Variants in TCP10L observed in about 807,000 individuals in gnomAD.
The protein encoded by TCP10L is t-complex 10 like.
A neutral mutation model predicts 19.2 loss-of-function variants in TCP10L; 11 were observed. The ratio of observed to expected loss-of-function variants is 0.57; its 90% confidence interval spans 0.36 to 0.95. The LOEUF (loss-of-function observed/expected upper bound fraction) is 0.95. TCP10L is among the 40% of genes least tolerant of loss of function. The pLI, the probability that TCP10L is intolerant of heterozygous loss-of-function variation, is 0.01. For missense variants in TCP10L, 247 were observed against 263.9 expected (o/e 0.94, Z 0.44); for synonymous variants, 96 against 97.2 (o/e 0.99, Z 0.07).
In TCP10L at chr21:32,576,180, G is replaced by A. The variant is rs2038431546; in HGVS notation, c.*594C>T. On this transcript the variant is annotated 3_prime_UTR_variant, in exon 5 of 5. Coordinates refer to ENST00000300258, the MANE Select transcript of TCP10L (RefSeq NM_144659.7). ...GAGAAAGCCCCGCATTTCACGGGGAGCATAGAAACAGGAGTCCCCAACTCT... is the reference window on the plus strand; with the variant it reads ...GAGAAAGCCCCGCATTTCACGGGGAACATAGAAACAGGAGTCCCCAACTCT... The A allele has an allele frequency of 8.2e-7, 1 of 1,219,860 alleles. No individual in the cohort carries two copies. The highest frequency in any genetic ancestry group is 1.2e-6 in the Non-Finnish European group (1 of 861,708). The allele number at this position is 1,219,860 out of a possible 1,614,324, so 75.6% of individuals were successfully genotyped here.
At chr21:32,584,425 C>T in intron 1 of TCP10L, 120 bp from the exon 2 acceptor site, 1 of 1,388,986 alleles carries the variant, frequency 7.2e-7, no homozygotes, top group Non-Finnish European at 9.5e-7. Flanking sequence ...GCTCCTTCTC[C>T]CCCTGGGTCA....
chr21:32,577,592 A>T (rs142396378), intron 4 of TCP10L: 2,098 of 152,326 alleles, frequency 0.014, 25 homozygotes, highest in Non-Finnish European at 0.018. Flanking sequence ...CTGTGGACTC[A>T]CGAGATTTGC....
Position 32,574,711 on chromosome 21 carries a change from T to C in TCP10L, c.*2063A>G, listed in dbSNP as rs989325035. Reference sequence around the variant, plus strand: ...AAATAAGTTAAATTTAAAAGGATAGTGTATATACATTGTGGAAATATCAGT... The same window carrying C: ...AAATAAGTTAAATTTAAAAGGATAGCGTATATACATTGTGGAAATATCAGT... On this transcript the variant is annotated 3_prime_UTR_variant, in exon 5 of 5. Coordinates refer to ENST00000300258, the MANE Select transcript of TCP10L (RefSeq NM_144659.7). 6.0e-6 allele frequency: 1 copy of C among 167,492 alleles called. No individual in the cohort carries two copies. The highest frequency in any genetic ancestry group is 2.4e-5 in the African/African-American group (1 of 41,526). The allele number at this position is 167,492 out of a possible 1,614,324, so 10.4% of individuals were successfully genotyped here. A position where few individuals can be genotyped will look rare whatever the true frequency, so the allele number is the denominator to read the frequency against.
chr21:32,585,239 C>G (rs930177736), intron 1 of TCP10L, among the ~76,000 whole-genome samples, 182 bp downstream of exon 1: 1 of 152,200 alleles, frequency 6.6e-6, no homozygotes, highest in Non-Finnish European at 1.5e-5. Context: ...TCCTTCCCCG[C>G]GGAGACTGGG....
chr21:32,582,470 T>G lies in TCP10L; in HGVS notation c.145-55A>C. 1 of 1,536,212 alleles carries G rather than the reference T, an allele frequency of 6.5e-7. No homozygotes were observed. ...CCTCTCAGATGTCACAATGGGCACA[T>G]TTATCTGCAAAATACTCAAGCCCTC... On this transcript the variant is annotated intron_variant, in intron 2 of 4. Coordinates refer to ENST00000300258, the MANE Select transcript of TCP10L (RefSeq NM_144659.7). The surrounding 1 kb of genome is among the most constrained non-coding windows in gnomAD (Gnocchi z 4.2).
rs903404045 is a variant in TCP10L at position 32,575,381 on chromosome 21, A to G, written c.*1393T>C. ...GACAGATGGCACCAGCCTCACCTCT[A>G]CGAAGCTCCCTGCAGAGGCCATGAA... On this transcript the variant is annotated 3_prime_UTR_variant, in exon 5 of 5. Coordinates refer to ENST00000300258, the MANE Select transcript of TCP10L (RefSeq NM_144659.7). 1.3e-5 allele frequency: 2 copies of G among 153,720 alleles called. No homozygotes were observed. Among genetic ancestry groups the G allele is most frequent in the African/African-American group, 2.4e-5 (1 of 41,470 alleles). 9.5% of individuals were successfully genotyped at this position (153,720 alleles called of 1,614,324 possible).
intron 3 of TCP10L, among the ~76,000 whole-genome samples, chr21:32,579,359 G>A (rs762553804): frequency 1.3e-5 from 2 of 152,210 alleles, no homozygotes; most frequent in Non-Finnish European, 2.9e-5. Context: ...AAGGGAATGA[G>A]AAGGGGAGAG....
rs1457350784 is a variant in TCP10L at position 32,574,186 on chromosome 21, G to C, written c.*2588C>G. ...TTTTGTAAAATATAGCATGTTACAA[G>C]TGGACCACTAGCTAGGGCTTAGAAA... On this transcript the variant is annotated 3_prime_UTR_variant, in exon 5 of 5. Transcript: ENST00000300258. The C allele has an allele frequency of 1.3e-5, 2 of 152,152 alleles. No homozygotes were observed. The highest frequency in any genetic ancestry group is 3.8e-4 in the East Asian group (2 of 5,202). The allele number at this position is 152,152 out of a possible 1,614,324, so 9.4% of individuals were successfully genotyped here.
Position 32,583,364 on chromosome 21 carries a change from C to T in TCP10L, c.144+797G>A, listed in dbSNP as rs555332987. ...CAGCACTTTGGGAGGCCGAGGCGGG[C>T]GGATCACGAGGTCAGGAGATCGAGA... is the stretch of plus-strand genomic sequence containing the variant. On this transcript the variant is annotated intron_variant, in intron 2 of 4. Coordinates refer to ENST00000300258, the MANE Select transcript of TCP10L (RefSeq NM_144659.7). Among the ~76,000 whole-genome samples the T allele has an allele frequency of 3.3e-5, 5 of 151,602 alleles. No homozygotes were observed. In the East Asian group the frequency reaches 5.8e-4, roughly 18 times the overall value.
At chr21:32,584,382 GC>G (rs1438898460) in intron 1 of TCP10L, 77 bp from the exon 2 acceptor site, 10 of 1,527,418 alleles carry the variant, frequency 6.5e-6, no homozygotes, top group Non-Finnish European at 8.8e-6. Context: ...GAAGGCCCCA[GC>G]CCCAAACTAA....
Position 32,576,693 on chromosome 21 carries a change from TA to T in TCP10L, c.*80del. ...ACAAATTGAGTACTTTTATTAGACC[TA>T]AGTGGAACTTTATCTGAATCTGAAT... On this transcript the variant is annotated 3_prime_UTR_variant, in exon 5 of 5. Coordinates refer to ENST00000300258, the MANE Select transcript of TCP10L (RefSeq NM_144659.7). 7.0e-7 allele frequency: 1 copy of T among 1,431,666 alleles called. No homozygotes were observed. The highest frequency in any genetic ancestry group is 9.6e-7 in the Non-Finnish European group (1 of 1,043,046). 88.7% of individuals were successfully genotyped at this position (1,431,666 alleles called of 1,614,324 possible). A position where few individuals can be genotyped will look rare whatever the true frequency, so the allele number is the denominator to read the frequency against.
intron 3 of TCP10L, among the ~76,000 whole-genome samples, chr21:32,580,778 CTT>C (rs1201936111): frequency 6.6e-6 from 1 of 152,212 alleles, no homozygotes; most frequent in East Asian, 1.9e-4. Context: ...TTCACACTCT[CTT>C]AGGCTGGTTC....
Position 32,576,372 on chromosome 21 carries a change from C to T in TCP10L, c.*402G>A, listed in dbSNP as rs990843153. On this transcript the variant is annotated 3_prime_UTR_variant, in exon 5 of 5. Coordinates refer to ENST00000300258, the MANE Select transcript of TCP10L (RefSeq NM_144659.7). The stretch of plus-strand genomic sequence containing the variant: ...CCGCCTTGTCACAAGGTCCCTGGAG[C>T]GGGCAATGCCTTGAGCCCAAAGGCT... The T allele has an allele frequency of 2.4e-6, 3 of 1,231,188 alleles. No individual in the cohort carries two copies. The highest frequency in any genetic ancestry group is 3.4e-6 in the Non-Finnish European group (3 of 879,842). The allele number at this position is 1,231,188 out of a possible 1,614,324, so 76.3% of individuals were successfully genotyped here.
intron 3 of TCP10L, among the ~76,000 whole-genome samples, chr21:32,579,804 A>G (rs1230521272): frequency 3.9e-5 from 6 of 152,082 alleles, no homozygotes; most frequent in Non-Finnish European, 8.8e-5. Flanking sequence ...ATATGTAGGG[A>G]AAAAAATCCC....
chr21:32,584,390 C>T, intron 1 of TCP10L, 85 bp from the exon 2 acceptor site: 2 of 1,511,846 alleles, frequency 1.3e-6, no homozygotes, highest in Non-Finnish European at 8.8e-7. Context: ...CAGCCCCAAA[C>T]TAAGGGTGAG....
intron 1 of TCP10L, 85 bp downstream of exon 1, chr21:32,585,336 A>G: frequency 3.8e-6 from 1 of 264,846 alleles, no homozygotes; most frequent in South Asian, 3.7e-5. Context: ...GGGACACCCC[A>G]GTGTCCTCGG....
In TCP10L at chr21:32,576,337, AGTCACAGGCCCGCCTT is replaced by A; in HGVS notation, c.*421_*436del. On this transcript the variant is annotated 3_prime_UTR_variant, in exon 5 of 5. Coordinates refer to ENST00000300258, the MANE Select transcript of TCP10L (RefSeq NM_144659.7). The stretch of plus-strand genomic sequence containing the variant: ...TGGATGCATAGCCTGGGGCAATGAC[AGTCACAGGCCCGCCTT>A]GTCACAAGGTCCCTGGAGCGGGCAA... 1 of 1,469,524 alleles carries A rather than the reference AGTCACAGGCCCGCCTT, an allele frequency of 6.8e-7. No individual in the cohort carries two copies. The highest frequency in any genetic ancestry group is 9.4e-7 in the Non-Finnish European group (1 of 1,068,574). The allele number at this position is 1,469,524 out of a possible 1,614,324, so 91.0% of individuals were successfully genotyped here.
At chr21:32,584,467 G>A (rs1021172967) in intron 1 of TCP10L, among the ~76,000 whole-genome samples, 162 bp from the exon 2 acceptor site, 9 of 152,168 alleles carry the variant, frequency 5.9e-5, no homozygotes, top group Admixed American at 2.6e-4. Flanking sequence ...AGCTGACCAG[G>A]TGAAAGGACA....
Position 32,576,132 on chromosome 21 carries a change from A to G in TCP10L, c.*642T>C. ...AAGGACATGTCCTTGCCATAGTAAGATGTTCTGCTCACGCGTATCCACGAG... is the reference window on the plus strand; with the variant it reads ...AAGGACATGTCCTTGCCATAGTAAGGTGTTCTGCTCACGCGTATCCACGAG... On this transcript the variant is annotated 3_prime_UTR_variant, in exon 5 of 5. Coordinates refer to ENST00000300258, the MANE Select transcript of TCP10L (RefSeq NM_144659.7). The G allele has an allele frequency of 2.5e-6, 2 of 808,780 alleles. No individual in the cohort carries two copies. Among genetic ancestry groups the G allele is most frequent in the Non-Finnish European group, 1.9e-6 (1 of 534,544 alleles). 50.1% of individuals were successfully genotyped at this position (808,780 alleles called of 1,614,324 possible).
Sources: allele counts gnomAD v4.1 joint callset (sites outside exome capture counted in the v4.1 genomes callset), GRCh38; gene constraint gnomAD v4.1.1; non-coding constraint Gnocchi (gnomAD v3.1); transcripts MANE v1.5; gene names NCBI Gene and HGNC (gene_info 2026-07-23, HGNC 2026-07-21).